The following CDK6 variants were observed in gnomAD, a reference collection of about 807,000 sequenced individuals.
The protein encoded by CDK6 is cyclin-dependent kinase 6.
A neutral mutation model predicts 37.1 loss-of-function variants in CDK6; 6 were observed. The observed-to-expected ratio is 0.16, with a 90% CI of 0.09 to 0.32. The LOEUF is 0.32. Among genes scored for constraint, CDK6 ranks in the 10% least tolerant of loss-of-function variants. CDK6 has a pLI of 1.00. For synonymous variants in CDK6, 160 were observed against 161.3 expected (o/e 0.99, Z 0.06); for missense variants, 224 against 418.9 (o/e 0.53, Z 4.06).
At position 92,835,090 on chromosome 7, in the gene CDK6, A is replaced by G. The variant is rs1488875385; in HGVS notation, c.-368+1388T>C. 1 of 151,720 alleles carries G rather than the reference A, an allele frequency of 6.6e-6. No homozygotes were observed. The highest frequency in any genetic ancestry group is 2.4e-5 in the African/African-American group (1 of 41,248). The allele number at this position is 151,720 out of a possible 1,614,324, so 9.4% of individuals were successfully genotyped here. On this transcript the variant is annotated intron_variant, in intron 1 of 7. Transcript: ENST00000424848. This position sits in a 1 kb window ranked among gnomAD's most constrained non-coding sequence, Gnocchi z 4.2. ...GAATTAAACAAACGGCGCGACCCCC[A>G]CGATGAGCGGGTGGAGCGGACCGCG...
intron 3 of CDK6, among the ~76,000 whole-genome samples, chr7:92,771,236 AT>A (rs1162075486): frequency 2.0e-5 from 3 of 150,086 alleles, no homozygotes; most frequent in Non-Finnish European, 4.4e-5. Flanking sequence ...AAAAAAAAAA[AT>A]AAATAAAATA....
intron 3 of CDK6, among the ~76,000 whole-genome samples, chr7:92,735,921 A>G (rs1798773445): frequency 6.6e-6 from 1 of 152,176 alleles, no homozygotes; most frequent in Non-Finnish European, 1.5e-5. Context: ...TAAAAGTATT[A>G]AAAAAGTTTC....
chr7:92,651,964 A>G (rs1796584646), intron 5 of CDK6, among the ~76,000 whole-genome samples: 1 of 152,186 alleles, frequency 6.6e-6, no homozygotes, highest in African/African-American at 2.4e-5. Context: ...TATAACACTG[A>G]ATATTGGAAA....
intron 2 of CDK6, among the ~76,000 whole-genome samples, chr7:92,828,656 T>C (rs974263794): frequency 6.6e-6 from 1 of 152,196 alleles, no homozygotes; most frequent in African/African-American, 2.4e-5. Context: ...GTCTTAAACA[T>C]AGGAAAATAT....
At chr7:92,776,977 C>A (rs1339900247) in intron 2 of CDK6, among the ~76,000 whole-genome samples, 1 of 152,084 alleles carries the variant, frequency 6.6e-6, no homozygotes, top group African/African-American at 2.4e-5. Flanking sequence ...AGTCTTTGCC[C>A]ATGCTTGTGT....
At chr7:92,817,693 T>C (rs1801065523) in intron 2 of CDK6, among the ~76,000 whole-genome samples, 1 of 151,646 alleles carries the variant, frequency 6.6e-6, no homozygotes, top group East Asian at 1.9e-4. Context: ...TATATATATA[T>C]AGGGGGGAAA....
intron 2 of CDK6, among the ~76,000 whole-genome samples, chr7:92,821,781 A>G (rs1026123184): frequency 2.6e-5 from 4 of 151,838 alleles, no homozygotes; most frequent in Admixed American, 6.6e-5. Context: ...CAGTGATGTC[A>G]CAACCCATTA....
chr7:92,635,141 T>C (rs571888236), intron 5 of CDK6, among the ~76,000 whole-genome samples: 86 of 152,292 alleles, frequency 5.6e-4, no homozygotes, highest in African/African-American at 1.9e-3. Flanking sequence ...TAAAGCGTTA[T>C]TTTTGGTGCA....
chr7:92,759,194 G>A (rs1799389628), intron 3 of CDK6, among the ~76,000 whole-genome samples: 2 of 152,164 alleles, frequency 1.3e-5, no homozygotes, highest in Non-Finnish European at 2.9e-5. Context: ...AAGAAGAATA[G>A]AGATCTCTGT....
At position 92,699,638 on chromosome 7, in the gene CDK6, A is replaced by C. The variant is rs191362658; in HGVS notation, c.537+25988T>G. 2.0e-4 allele frequency among the ~76,000 whole-genome samples: 30 copies of C among 152,304 alleles called. No individual in the cohort carries two copies. In the East Asian group the frequency reaches 3.5e-3, roughly 18 times the overall value. ...CATTTACAATGTCACATCAACAATTAATTCATTCATTCATACATATACAAA... is the reference window on the plus strand; with the variant it reads ...CATTTACAATGTCACATCAACAATTCATTCATTCATTCATACATATACAAA... On this transcript the variant is annotated intron_variant, in intron 4 of 7. Coordinates refer to ENST00000424848, the MANE Select transcript of CDK6 (RefSeq NM_001145306.2).
chr7:92,617,701 GCACGTTAAAATGA>G (rs1795711589), intron 7 of CDK6, among the ~76,000 whole-genome samples: 1 of 152,166 alleles, frequency 6.6e-6, no homozygotes, highest in Non-Finnish European at 1.5e-5. Flanking sequence ...TTAAGAAAAG[GCACGTTAAAATGA>G]CAAACAAATT....
chr7:92,729,665 T>C (rs184153150), intron 3 of CDK6, among the ~76,000 whole-genome samples: 25 of 152,318 alleles, frequency 1.6e-4, no homozygotes, highest in African/African-American at 5.3e-4. Context: ...AATCCTCTTA[T>C]TTAAAATCAA....
chr7:92,776,962 CA>C (rs1197484282), intron 2 of CDK6, among the ~76,000 whole-genome samples: 2 of 152,236 alleles, frequency 1.3e-5, no homozygotes, highest in Admixed American at 6.5e-5. Flanking sequence ...GTGTTTTAGT[CA>C]TGAAGTCTTT....
chr7:92,823,471 A>G (rs1364576562), intron 2 of CDK6, among the ~76,000 whole-genome samples: 1 of 117,128 alleles, frequency 8.5e-6, no homozygotes, highest in East Asian at 3.0e-4. Context: ...AAAAAAAAAA[A>G]GTCATTTCAA....
At chr7:92,641,133 GTTTA>G (rs1562921123) in intron 5 of CDK6, among the ~76,000 whole-genome samples, 1 of 152,058 alleles carries the variant, frequency 6.6e-6, no homozygotes. Context: ...CTGGTTTATG[GTTTA>G]TTTTTCTTTC....
intron 2 of CDK6, among the ~76,000 whole-genome samples, chr7:92,799,235 C>T (rs1800503220): frequency 6.6e-6 from 1 of 152,196 alleles, no homozygotes; most frequent in African/African-American, 2.4e-5. Flanking sequence ...CAGGTTTCCC[C>T]TCTTTCTCTT....
chr7:92,802,315 T>C (rs528198828), intron 2 of CDK6, among the ~76,000 whole-genome samples: 153 of 152,258 alleles, frequency 1.0e-3, no homozygotes, highest in African/African-American at 3.4e-3. Context: ...TCAAGGAAGC[T>C]TCTAAAATAT....
chr7:92,737,615 G>A (rs1262389616), intron 3 of CDK6, among the ~76,000 whole-genome samples: 1 of 152,128 alleles, frequency 6.6e-6, no homozygotes, highest in Non-Finnish European at 1.5e-5. Flanking sequence ...ATATTCTGAA[G>A]CTACTACCAA....
chr7:92,832,905 A>G (rs928452002), intron 2 of CDK6, among the ~76,000 whole-genome samples, 186 bp downstream of exon 2: 2 of 152,150 alleles, frequency 1.3e-5, no homozygotes, highest in African/African-American at 4.8e-5. Context: ...CTGTCTGGCA[A>G]GGTCACCGGC....
Sources: gnomAD v4.1 joint callset for allele counts (sites outside exome capture counted in the v4.1 genomes callset) on GRCh38, gnomAD v4.1.1 for gene constraint, Gnocchi (gnomAD v3.1) non-coding constraint, MANE v1.5 for transcripts, NCBI Gene and HGNC (gene_info 2026-07-23, HGNC 2026-07-21) for gene names.